VIPR2: variants seen among roughly 807,000 people sequenced by gnomAD.
The protein encoded by VIPR2 is vasoactive intestinal polypeptide receptor 2.
Under a neutral mutation model 58.0 loss-of-function variants are expected in VIPR2, and 48 were observed. The ratio of observed to expected loss-of-function variants is 0.83; its 90% confidence interval spans 0.66 to 1.05. The LOEUF (loss-of-function observed/expected upper bound fraction) is 1.05, where lower values mean the gene tolerates loss of function less well. VIPR2 is among the 50% of genes least tolerant of loss of function. The pLI is 0.00. For synonymous variants in VIPR2, 243 were observed against 235.2 expected (o/e 1.03, Z -0.30); for missense variants, 534 against 558.0 (o/e 0.96, Z 0.43).
At chr7:159,052,904 A>G (rs1855090969) in intron 5 of VIPR2, among the ~76,000 whole-genome samples, 2 of 152,258 alleles carry the variant, frequency 1.3e-5, no homozygotes, top group Admixed American at 6.5e-5. Flanking sequence ...TCTTCAAAAT[A>G]TCTACAGCAA....
At chr7:159,136,989 G>A (rs1797256906) in intron 2 of VIPR2, among the ~76,000 whole-genome samples, 2 of 152,124 alleles carry the variant, frequency 1.3e-5, no homozygotes, top group Non-Finnish European at 2.9e-5. Flanking sequence ...GGGGAGTGGA[G>A]AAGGCAGAGA....
intron 2 of VIPR2, among the ~76,000 whole-genome samples, chr7:159,117,707 G>C (rs942957387): frequency 6.6e-6 from 1 of 152,222 alleles, no homozygotes; most frequent in Non-Finnish European, 1.5e-5. Flanking sequence ...TGGCAGCTGA[G>C]GGTGGGTGGC....
In VIPR2 at chr7:159,030,374, C is replaced by T. The variant is rs1407454294; in HGVS notation, c.*242G>A. ...AAAAAAAAAAAAAAAAGTGGATCCA[C>T]TATACGGCTGAAACACATTTTGCAC... is the stretch of plus-strand genomic sequence containing the variant. On this transcript the variant is annotated 3_prime_UTR_variant, in exon 13 of 13. Transcript: ENST00000262178. 4 of 404,008 alleles carry T rather than the reference C, an allele frequency of 9.9e-6. No individual in the cohort carries two copies. The highest frequency in any genetic ancestry group is 1.7e-5 in the Non-Finnish European group (4 of 231,110). The allele number at this position is 404,008 out of a possible 1,614,324, so 25.0% of individuals were successfully genotyped here.
At chr7:159,049,342 C>T (rs578198857) in intron 5 of VIPR2, among the ~76,000 whole-genome samples, 2 of 152,326 alleles carry the variant, frequency 1.3e-5, no homozygotes, top group African/African-American at 4.8e-5. Flanking sequence ...TAAAAAGCAG[C>T]CCAAGGGCTT....
At chr7:159,129,059 TAAG>T (rs1275732796) in intron 2 of VIPR2, among the ~76,000 whole-genome samples, 1 of 152,208 alleles carries the variant, frequency 6.6e-6, no homozygotes, top group African/African-American at 2.4e-5. Flanking sequence ...TCTGCAGCTG[TAAG>T]AAGAACCCGT....
At chr7:159,052,672 T>C (rs1855076830) in intron 5 of VIPR2, among the ~76,000 whole-genome samples, 1 of 152,212 alleles carries the variant, frequency 6.6e-6, no homozygotes, top group Non-Finnish European at 1.5e-5. Flanking sequence ...AGTTCAGCTA[T>C]ATATTAAAAA....
chr7:159,084,543 G>A (rs777153685), intron 4 of VIPR2, among the ~76,000 whole-genome samples: 6 of 152,190 alleles, frequency 3.9e-5, no homozygotes, highest in African/African-American at 9.7e-5. Flanking sequence ...CAGAGAGGGC[G>A]CCGGGCACGG....
intron 4 of VIPR2, among the ~76,000 whole-genome samples, chr7:159,082,696 T>C (rs1328966294): frequency 3.3e-5 from 5 of 152,224 alleles, no homozygotes; most frequent in African/African-American, 1.2e-4. Context: ...CCTTTGGGTT[T>C]CTAAGGTAGT....
At chr7:159,039,497 C>A (rs947615720) in intron 6 of VIPR2, among the ~76,000 whole-genome samples, 1 of 152,122 alleles carries the variant, frequency 6.6e-6, no homozygotes, top group African/African-American at 2.4e-5. Context: ...CAAAACAAAA[C>A]AAAAAATAAA....
intron 2 of VIPR2, among the ~76,000 whole-genome samples, chr7:159,116,153 T>C (rs1480972932): frequency 6.6e-6 from 1 of 152,162 alleles, no homozygotes; most frequent in Non-Finnish European, 1.5e-5. Flanking sequence ...TCGGAAAGGC[T>C]GCAGGGAGAA....
chr7:159,030,941 G>T, intron 12 of VIPR2, 152 bp from the exon 13 acceptor site: 1 of 1,109,302 alleles, frequency 9.0e-7, no homozygotes, highest in Non-Finnish European at 1.2e-6. Context: ...ACGGCCTTGG[G>T]GGCAGAGGCT....
intron 4 of VIPR2, among the ~76,000 whole-genome samples, chr7:159,070,271 T>C (rs10447498): frequency 0.16 from 23,652 of 152,108 alleles, 2,472 homozygotes; most frequent in African/African-American, 0.3. Context: ...CATCCAGGGC[T>C]GCACGGAGGA....
At chr7:159,116,734 C>A (rs1796251433) in intron 2 of VIPR2, among the ~76,000 whole-genome samples, 1 of 152,138 alleles carries the variant, frequency 6.6e-6, no homozygotes, top group Non-Finnish European at 1.5e-5. Context: ...CTGGGAATTC[C>A]TCCAGGTGGA....
intron 4 of VIPR2, among the ~76,000 whole-genome samples, chr7:159,076,347 C>T (rs1392153449): frequency 6.6e-6 from 1 of 152,190 alleles, no homozygotes; most frequent in African/African-American, 2.4e-5. Flanking sequence ...TTCATCTTTT[C>T]AGAGACAGTG....
intron 5 of VIPR2, 48 bp from the exon 6 acceptor site, chr7:159,043,224 GGAGGGAGA>G: frequency 7.0e-7 from 1 of 1,431,970 alleles, no homozygotes; most frequent in Non-Finnish European, 9.6e-7. Context: ...GGAAGGGGAG[GGAGGGAGA>G]GAGAACCAGA....
At chr7:159,040,335 C>CA (rs1274602461) in intron 6 of VIPR2, among the ~76,000 whole-genome samples, 1 of 152,246 alleles carries the variant, frequency 6.6e-6, no homozygotes, top group Non-Finnish European at 1.5e-5. Context: ...AGCCCCGTGG[C>CA]CTTGTCGGGG....
intron 4 of VIPR2, among the ~76,000 whole-genome samples, chr7:159,064,204 C>G (rs992193063): frequency 2.6e-5 from 4 of 151,944 alleles, no homozygotes; most frequent in African/African-American, 9.7e-5. Flanking sequence ...GGCGGCCCCA[C>G]GCGCCGGGCC....
intron 4 of VIPR2, among the ~76,000 whole-genome samples, chr7:159,087,313 C>T (rs1422960361): frequency 2.5e-5 from 3 of 122,154 alleles, no homozygotes; most frequent in Non-Finnish European, 5.2e-5. Flanking sequence ...CAAACAATAC[C>T]CAGGACTCTG....
intron 5 of VIPR2, among the ~76,000 whole-genome samples, chr7:159,052,846 A>G (rs1030397143): frequency 6.6e-6 from 1 of 152,244 alleles, no homozygotes; most frequent in African/African-American, 2.4e-5. Flanking sequence ...ATGACTAAAA[A>G]GTCTCAGAAA....
Sources: allele counts gnomAD v4.1 joint callset (sites outside exome capture counted in the v4.1 genomes callset), GRCh38; gene constraint gnomAD v4.1.1; transcripts MANE v1.5; gene names NCBI Gene and HGNC (gene_info 2026-07-23, HGNC 2026-07-21).